Variants in WAC observed in about 807,000 individuals in gnomAD.
The protein encoded by WAC is WW domain-containing adapter protein with coiled-coil.
In WAC, 11 loss-of-function variants were observed where a neutral mutation model predicts 79.6. The ratio of observed to expected loss-of-function variants is 0.14; its 90% CI spans 0.09 to 0.23. WAC has a LOEUF of 0.23. WAC is among the 10% of genes least tolerant of loss of function. The pLI is 1.00. For synonymous variants in WAC, 304 were observed against 276.9 expected (o/e 1.10, Z -0.97); for missense variants, 728 against 773.5 (o/e 0.94, Z 0.70).
chr10:28,618,123 G>A (rs1841554025), intron 13 of WAC: 1 of 177,490 alleles, frequency 5.6e-6, no homozygotes, highest in Non-Finnish European at 1.2e-5. Flanking sequence ...ATTTGTCCTT[G>A]CATCATCAAT....
rs1836609552 is a variant in WAC, at chr10:28,535,629, C to G, written c.146C>G (p.Ala49Gly). The G allele has an allele frequency of 6.2e-7, 1 of 1,613,800 alleles. No individual in the cohort carries two copies. Residue 49 changes from alanine to glycine, a missense_variant, in exon 3 of 14, where the codon GCC (alanine) becomes GGC (glycine). By Grantham distance (60) the Ala-to-Gly change is moderately conservative. Transcript: ENST00000354911. The part of the protein sequence containing the change: ...GDHRHEKMRD[A>G]GDPSPPNKML... ...CACAGACATGAAAAGATGCGAGACGCCGGAGATCCTTCACCACCAAATAAA... is the reference window on the plus strand; with the variant it reads ...CACAGACATGAAAAGATGCGAGACGGCGGAGATCCTTCACCACCAAATAAA...
At position 28,621,374 on chromosome 10, in the gene WAC, G is replaced by C. The variant is rs765025149; in HGVS notation, c.*1768G>C. The C allele has an allele frequency of 7.2e-5, 11 of 151,994 alleles. No homozygotes were observed. The highest frequency in any genetic ancestry group is 1.0e-4 in the Non-Finnish European group (7 of 68,010). The allele number at this position is 151,994 out of a possible 1,614,324, so 9.4% of individuals were successfully genotyped here. ...TGCTCTTGTGCTTTAAGCATATATTGAAAGTATGGAAGTTAAATGTTCAGG... is the reference window on the plus strand; with the variant it reads ...TGCTCTTGTGCTTTAAGCATATATTCAAAGTATGGAAGTTAAATGTTCAGG... On this transcript the variant is annotated 3_prime_UTR_variant, in exon 14 of 14. Transcript: ENST00000354911.
At chr10:28,582,651 C>CATT (rs1264735887) in intron 3 of WAC, among the ~76,000 whole-genome samples, 1 of 152,180 alleles carries the variant, frequency 6.6e-6, no homozygotes, top group Non-Finnish European at 1.5e-5. Context: ...GAAATACTAA[C>CATT]ATTAGACTTC....
At chr10:28,563,182 G>A (rs1186113586) in intron 3 of WAC, among the ~76,000 whole-genome samples, 1 of 152,118 alleles carries the variant, frequency 6.6e-6, no homozygotes, top group African/African-American at 2.4e-5. Context: ...TGGGATTACA[G>A]GTGTGAGTCA....
chr10:28,543,609 A>G (rs1430650449), intron 3 of WAC, among the ~76,000 whole-genome samples: 1 of 152,220 alleles, frequency 6.6e-6, no homozygotes, highest in African/African-American at 2.4e-5. Context: ...AGTATTTTGT[A>G]TGCTTGACTT....
chr10:28,595,888 C>T lies in WAC; in HGVS notation c.766C>T (p.Pro256Ser). ...VQHPIKPVVHPTATPSTVPSS... is the reference protein window; with the variant it reads ...VQHPIKPVVHSTATPSTVPSS... The stretch of plus-strand genomic sequence containing the variant: ...GCACCCCATCAAACCAGTGGTTCAT[C>T]CAACTGCTACCCCAAGCACTGTTCC... The change falls in exon 7 of 14, where the codon CCA (proline) becomes TCA (serine). Residue 256 changes from proline to serine, a missense_variant. Physicochemically the swap from Pro to Ser is moderately conservative, Grantham distance 74. This residue lies in a region of WAC where 648 missense variants were observed against 661.5 expected (regional missense o/e 0.98). Coordinates refer to ENST00000354911, the MANE Select transcript of WAC (RefSeq NM_016628.5). 6.2e-7 allele frequency: 1 copy of T among 1,614,170 alleles called. No homozygotes were observed. The highest frequency in any genetic ancestry group is 2.2e-5 in the East Asian group (1 of 44,878).
At chr10:28,551,990 C>T (rs939668743) in intron 3 of WAC, among the ~76,000 whole-genome samples, 16 of 152,050 alleles carry the variant, frequency 1.1e-4, no homozygotes, top group African/African-American at 3.6e-4. Context: ...CGACGCCCAA[C>T]TAATATTTGT....
intron 7 of WAC, among the ~76,000 whole-genome samples, chr10:28,600,917 G>A (rs1038369236): frequency 6.6e-6 from 1 of 151,806 alleles, no homozygotes; most frequent in African/African-American, 2.4e-5. Flanking sequence ...TTAGAGAAGA[G>A]CTGTTGCACC....
At chr10:28,614,733 G>A (rs775153534) in intron 11 of WAC, 48 bp downstream of exon 11, 1 of 1,385,190 alleles carries the variant, frequency 7.2e-7, no homozygotes, top group African/African-American at 1.4e-5. Context: ...TTTAATGATG[G>A]TACACTGCAT....
intron 3 of WAC, among the ~76,000 whole-genome samples, chr10:28,569,458 C>G (rs188240714): frequency 6.6e-6 from 1 of 152,162 alleles, no homozygotes; most frequent in Non-Finnish European, 1.5e-5. Flanking sequence ...TTTTGCCAGT[C>G]TGATTATTCA....
intron 7 of WAC, among the ~76,000 whole-genome samples, chr10:28,603,957 G>GTATA (rs1840781812): frequency 3.0e-4 from 1 of 3,298 alleles, no homozygotes; most frequent in African/African-American, 1.5e-3. Context: ...ATATATGTAT[G>GTATA]TATGTATATA....
At chr10:28,585,193 A>C (rs900037785) in intron 4 of WAC, among the ~76,000 whole-genome samples, 1 of 152,224 alleles carries the variant, frequency 6.6e-6, no homozygotes, top group Non-Finnish European at 1.5e-5. Flanking sequence ...ACTCAAGGCT[A>C]TTGAACAACC....
chr10:28,581,171 G>T (rs927345730), intron 3 of WAC, among the ~76,000 whole-genome samples: 1 of 149,436 alleles, frequency 6.7e-6, no homozygotes, highest in African/African-American at 2.5e-5. Context: ...TCAGACTCCA[G>T]TAGGAAAGCA....
At chr10:28,615,024 A>G in intron 11 of WAC, 1 of 186,464 alleles carries the variant, frequency 5.4e-6, no homozygotes, top group South Asian at 1.0e-4. Flanking sequence ...TCCTCATAGC[A>G]GTTTTGGTTT....
chr10:28,553,219 T>C (rs1214444006), intron 3 of WAC, among the ~76,000 whole-genome samples: 1 of 151,442 alleles, frequency 6.6e-6, no homozygotes. Context: ...AACAAATCTT[T>C]TATAGTTTTT....
At chr10:28,604,575 T>C (rs553175942) in intron 7 of WAC, among the ~76,000 whole-genome samples, 1 of 152,128 alleles carries the variant, frequency 6.6e-6, no homozygotes, top group East Asian at 1.9e-4. Flanking sequence ...CTACTAAAAA[T>C]ACAAAAAATT....
At chr10:28,605,354 A>G (rs918237499) in intron 7 of WAC, among the ~76,000 whole-genome samples, 1 of 152,254 alleles carries the variant, frequency 6.6e-6, no homozygotes. Context: ...CGTTCAGTAA[A>G]TGTGGCTTGG....
intron 13 of WAC, 107 bp from the exon 14 acceptor site, chr10:28,619,430 A>T: frequency 1.2e-6 from 1 of 825,548 alleles, no homozygotes; most frequent in Non-Finnish European, 1.8e-6. Flanking sequence ...CTTTGCCTTA[A>T]TTAGAAATCA....
At chr10:28,596,898 T>C (rs1397247251) in intron 7 of WAC, among the ~76,000 whole-genome samples, 1 of 152,162 alleles carries the variant, frequency 6.6e-6, no homozygotes, top group Non-Finnish European at 1.5e-5. Flanking sequence ...TGGATTTCTT[T>C]TGTTTCTGAT....
Sources: gnomAD v4.1 joint callset for allele counts (sites outside exome capture counted in the v4.1 genomes callset) on GRCh38, gnomAD v4.1.1 for gene constraint, gnomAD v4.1.1 regional missense constraint, MANE v1.5 for transcripts, NCBI Gene and HGNC (gene_info 2026-07-23, HGNC 2026-07-21) for gene names.